The following THSD4 variants were observed in gnomAD, a reference collection of about 807,000 sequenced individuals.
THSD4 encodes the protein thrombospondin type 1 domain containing 4, also known as thrombospondin type-1 domain-containing protein 4.
Under a neutral mutation model 119.0 loss-of-function variants are expected in THSD4, and 69 were observed. The observed-to-expected ratio is 0.58, with a 90% CI of 0.48 to 0.71. The LOEUF is 0.71. THSD4 is among the 30% of genes least tolerant of loss of function. THSD4 has a pLI of 0.00. For synonymous variants in THSD4, 524 were observed against 540.4 expected (o/e 0.97, Z 0.42); for missense variants, 1,393 against 1,391.1 (o/e 1.00, Z -0.02).
intron 6 of THSD4, among the ~76,000 whole-genome samples, chr15:71,381,466 A>G (rs773025630): frequency 4.6e-5 from 7 of 152,234 alleles, no homozygotes; most frequent in Non-Finnish European, 1.0e-4. Flanking sequence ...TAGCAGTTTT[A>G]TAAAGACAGT....
intron 2 of THSD4, among the ~76,000 whole-genome samples, chr15:71,144,212 T>A (rs2040634491): frequency 6.6e-6 from 1 of 152,180 alleles, no homozygotes; most frequent in South Asian, 2.1e-4. Flanking sequence ...CAGCTTGAGA[T>A]TCCCATCAAA....
At chr15:71,367,197 A>T (rs1455389722) in intron 6 of THSD4, among the ~76,000 whole-genome samples, 1 of 151,532 alleles carries the variant, frequency 6.6e-6, no homozygotes, top group Non-Finnish European at 1.5e-5. Flanking sequence ...TTGTTGAACA[A>T]TTACCTCATG....
At position 71,415,062 on chromosome 15, in the gene THSD4, T is replaced by C. The variant is rs543858055; in HGVS notation, c.1152+3239T>C. 1.1e-3 allele frequency among the ~76,000 whole-genome samples: 160 copies of C among 152,372 alleles called. 5 individuals carry two copies. In the South Asian group the frequency reaches 0.028, roughly 27 times the overall value. ...AATTGATTTCTCTACTTCTCTGACT[T>C]GTGGCTGAGAAAGCTGTCACTTGCA... On this transcript the variant is annotated intron_variant, in intron 7 of 17. Transcript: ENST00000261862.
intron 7 of THSD4, among the ~76,000 whole-genome samples, chr15:71,442,158 C>T (rs1296371815): frequency 2.6e-5 from 4 of 151,994 alleles, no homozygotes; most frequent in Non-Finnish European, 5.9e-5. Flanking sequence ...TGGGGTTTCA[C>T]TGTGTTGGCC....
At chr15:71,494,339 C>T (rs1338757656) in intron 7 of THSD4, among the ~76,000 whole-genome samples, 1 of 152,118 alleles carries the variant, frequency 6.6e-6, no homozygotes, top group East Asian at 1.9e-4. Context: ...TCTAACCCCC[C>T]TTCCAAGTTG....
At chr15:71,349,919 G>C (rs1228469539) in intron 6 of THSD4, among the ~76,000 whole-genome samples, 4 of 151,980 alleles carry the variant, frequency 2.6e-5, no homozygotes, top group East Asian at 3.9e-4. Flanking sequence ...GGGAAAGACG[G>C]GGATGGTCCA....
intron 1 of THSD4, among the ~76,000 whole-genome samples, chr15:71,105,396 C>A (rs1262172606): frequency 1.3e-5 from 2 of 152,204 alleles, no homozygotes; most frequent in Non-Finnish European, 2.9e-5. Context: ...GGGTACCCCT[C>A]TCTCCCAGAG....
intron 4 of THSD4, among the ~76,000 whole-genome samples, chr15:71,239,811 C>G (rs898768141): frequency 2.0e-5 from 3 of 152,166 alleles, no homozygotes; most frequent in African/African-American, 7.2e-5. Context: ...TGGACTCTGT[C>G]CTGTTGGAGA....
intron 7 of THSD4, among the ~76,000 whole-genome samples, chr15:71,534,407 T>C (rs2048660105): frequency 6.6e-6 from 1 of 152,242 alleles, no homozygotes; most frequent in Non-Finnish European, 1.5e-5. Context: ...TGTGTATCTT[T>C]GGTTACTATT....
chr15:71,326,927 G>A (rs935245652), intron 6 of THSD4, among the ~76,000 whole-genome samples: 3 of 150,830 alleles, frequency 2.0e-5, no homozygotes, highest in African/African-American at 7.3e-5. Flanking sequence ...TAGCGCTTTG[G>A]GAGGCCGAGG....
intron 7 of THSD4, among the ~76,000 whole-genome samples, chr15:71,510,521 A>G (rs751539319): frequency 1.5e-4 from 23 of 152,210 alleles, no homozygotes; most frequent in Non-Finnish European, 2.2e-4. Flanking sequence ...GGGCTCTTCT[A>G]GATTCTGTGA....
chr15:71,745,772 G>A (rs2053324851), intron 12 of THSD4, among the ~76,000 whole-genome samples: 1 of 152,198 alleles, frequency 6.6e-6, no homozygotes, highest in African/African-American at 2.4e-5. Context: ...AGCCTCCCGA[G>A]TAGCTGGGAC....
At chr15:71,354,813 A>C (rs1024835753) in intron 6 of THSD4, among the ~76,000 whole-genome samples, 1 of 152,200 alleles carries the variant, frequency 6.6e-6, no homozygotes, top group Non-Finnish European at 1.5e-5. Flanking sequence ...TGTCCAGACA[A>C]GATGTGGGCT....
chr15:71,768,276 C>CCAAAAAAAAA (rs1555451046), intron 16 of THSD4, among the ~76,000 whole-genome samples: 4,565 of 150,152 alleles, frequency 0.03, 250 homozygotes, highest in African/African-American at 0.1. Flanking sequence ...ACAAAAAAAA[C>CCAAAAAAAAA]CAAAAAAAAA....
intron 7 of THSD4, among the ~76,000 whole-genome samples, chr15:71,432,186 C>G (rs1234518870): frequency 6.6e-6 from 1 of 152,182 alleles, no homozygotes; most frequent in Admixed American, 6.5e-5. Flanking sequence ...GCCAATGCTT[C>G]CCATGTGATT....
chr15:71,410,324 C>T (rs2046668970), intron 6 of THSD4, among the ~76,000 whole-genome samples: 1 of 152,060 alleles, frequency 6.6e-6, no homozygotes, highest in Admixed American at 6.6e-5. Context: ...CATGGTTAAC[C>T]CTGAAATAGA....
rs560125213 is a variant in THSD4 at position 71,648,784 on chromosome 15, G to C, written c.1153-11746G>C. On this transcript the variant is annotated intron_variant, in intron 7 of 17. Coordinates refer to ENST00000261862, the MANE Select transcript of THSD4 (RefSeq NM_024817.3). Reference sequence around the variant, plus strand: ...TGTGAAAAAGGGGATCCCATGGCCAGACTGCCAAGGGACGCGTCTCGAGGA... The same window carrying C: ...TGTGAAAAAGGGGATCCCATGGCCACACTGCCAAGGGACGCGTCTCGAGGA... 1.6e-4 allele frequency among the ~76,000 whole-genome samples: 24 copies of C among 152,302 alleles called. No homozygotes were observed. In the East Asian group the frequency reaches 2.1e-3, roughly 13 times the overall value.
intron 7 of THSD4, among the ~76,000 whole-genome samples, chr15:71,624,924 C>G (rs753325844): frequency 1.3e-5 from 2 of 152,176 alleles, no homozygotes; most frequent in East Asian, 1.9e-4. Flanking sequence ...GAATCTGATT[C>G]CTGGTGGCTG....
chr15:71,416,004 C>T (rs1053813146), intron 7 of THSD4, among the ~76,000 whole-genome samples: 2 of 152,124 alleles, frequency 1.3e-5, no homozygotes, highest in African/African-American at 4.8e-5. Context: ...GTTGTGTTGG[C>T]CAGGCTGGTC....
Sources: allele counts gnomAD v4.1 joint callset (sites outside exome capture counted in the v4.1 genomes callset), GRCh38; gene constraint gnomAD v4.1.1; transcripts MANE v1.5; gene names NCBI Gene and HGNC (gene_info 2026-07-23, HGNC 2026-07-21).